The following AOX1 variants were observed in gnomAD, a reference collection of about 807,000 sequenced individuals.
AOX1 encodes aldehyde oxidase 1, also known as aldehyde oxidase.
Under a neutral mutation model 169.5 loss-of-function variants are expected in AOX1, and 153 were observed. The observed-to-expected ratio is 0.90, with a 90% CI of 0.79 to 1.03. AOX1 has a LOEUF of 1.03. AOX1 is among the 50% of genes least tolerant of loss of function. The probability of loss-of-function intolerance (pLI) is 0.00; values close to 1 mark genes in which losing one functional copy is unlikely to be tolerated. For synonymous variants in AOX1, 562 were observed against 581.9 expected (o/e 0.97, Z 0.49); for missense variants, 1,656 against 1,663.9 (o/e 1.00, Z 0.08).
At position 200,630,516 on chromosome 2, in the gene AOX1, C is replaced by CA. The variant is rs550708859; in HGVS notation, c.2221+3077dup. Among the ~76,000 whole-genome samples, 348 of 116,360 alleles carry CA rather than the reference C, an allele frequency of 3.0e-3. 1 individual carries two copies. Among genetic ancestry groups the CA allele is most frequent in the African/African-American group, 9.7e-3 (291 of 30,112 alleles). The allele number at this position is 116,360 out of a possible 152,430, so 76.3% of individuals were successfully genotyped here. A position where few individuals can be genotyped will look rare whatever the true frequency, so the allele number is the denominator to read the frequency against. ...CCAGCCTGAGCAACAGTGAGACTGTCAAAAAAAAAAGATGGATGGATGGAA... is the reference window on the plus strand; with the variant it reads ...CCAGCCTGAGCAACAGTGAGACTGTCAAAAAAAAAAAGATGGATGGATGGAA... On this transcript the variant is annotated intron_variant, in intron 20 of 34. Transcript: ENST00000374700.
chr2:200,627,957 C>G (rs1438961584), intron 20 of AOX1, among the ~76,000 whole-genome samples: 1 of 152,056 alleles, frequency 6.6e-6, no homozygotes, highest in African/African-American at 2.4e-5. Context: ...GCTTTTTCTT[C>G]CCTTCCTCTT....
At chr2:200,643,364 C>T (rs566487846) in intron 25 of AOX1, among the ~76,000 whole-genome samples, 5 of 148,878 alleles carry the variant, frequency 3.4e-5, no homozygotes, top group Non-Finnish European at 7.4e-5. Flanking sequence ...CACACGCACA[C>T]ATATATATGT....
chr2:200,663,310 T>C (rs1189787915), intron 31 of AOX1, among the ~76,000 whole-genome samples: 9 of 152,196 alleles, frequency 5.9e-5, no homozygotes, highest in African/African-American at 1.9e-4. Flanking sequence ...TGCCAAGATA[T>C]GACATTCTTG....
chr2:200,675,645 T>C (rs2036084145), downstream of AOX1, among the ~76,000 whole-genome samples: 1 of 152,158 alleles, frequency 6.6e-6, no homozygotes, highest in Non-Finnish European at 1.5e-5. Context: ...CATGGCAGCA[T>C]TATTTATAAT....
intron 5 of AOX1, 33 bp from the exon 6 acceptor site, chr2:200,602,251 C>T (rs2034429547): frequency 3.7e-6 from 6 of 1,606,562 alleles, no homozygotes; most frequent in African/African-American, 1.3e-5. Context: ...ATCTGGGTCA[C>T]TTGGCTAACA....
At chr2:200,617,288 C>T (rs1574925278) in intron 16 of AOX1, among the ~76,000 whole-genome samples, 1 of 152,074 alleles carries the variant, frequency 6.6e-6, no homozygotes, top group African/African-American at 2.4e-5. Flanking sequence ...GCTAGAGCAA[C>T]GTCAGCACTC....
chr2:200,599,827 C>T (rs1208997115), intron 5 of AOX1, 81 bp downstream of exon 5: 11 of 1,197,012 alleles, frequency 9.2e-6, no homozygotes, highest in Admixed American at 7.7e-5. Flanking sequence ...CTCTGTTGCC[C>T]GGGCTGGAGG....
At position 200,666,745 on chromosome 2, in the gene AOX1, T is replaced by A; in HGVS notation, c.3602T>A (p.Ile1201Lys). 6.2e-7 allele frequency: 1 copy of A among 1,611,090 alleles called. No individual in the cohort carries two copies. Among genetic ancestry groups the A allele is most frequent in the South Asian group, 1.1e-5 (1 of 90,414 alleles). ...TGCAGTATAAATCCAGCCATTGACATAGGCCAGGTACGTGTAACTGATGTG... is the reference window on the plus strand; with the variant it reads ...TGCAGTATAAATCCAGCCATTGACAAAGGCCAGGTACGTGTAACTGATGTG... ...VGCSINPAIDIGQIEGAFIQG... is the reference protein window; with the variant it reads ...VGCSINPAIDKGQIEGAFIQG... The change falls in exon 32 of 35, where the codon ATA becomes AAA. Residue 1201 changes from isoleucine to lysine, a missense_variant. Physicochemically the swap from Ile to Lys is moderately radical, Grantham distance 102. Coordinates refer to ENST00000374700, the MANE Select transcript of AOX1 (RefSeq NM_001159.4).
intron 1 of AOX1, among the ~76,000 whole-genome samples, chr2:200,590,733 A>G (rs1265491630): frequency 6.6e-6 from 1 of 152,196 alleles, no homozygotes; most frequent in Non-Finnish European, 1.5e-5. Flanking sequence ...CTAAAATGCT[A>G]TTCTTTACTA....
intron 16 of AOX1, among the ~76,000 whole-genome samples, chr2:200,620,123 A>T (rs2034850430): frequency 6.6e-6 from 1 of 152,094 alleles, no homozygotes. Flanking sequence ...AATAAGAACA[A>T]CATCATGGAT....
Position 200,656,829 on chromosome 2 carries a change from CT to C in AOX1, c.3076-9del. 6.6e-7 allele frequency: 1 copy of C among 1,514,518 alleles called. No individual in the cohort carries two copies. Among genetic ancestry groups the C allele is most frequent in the Non-Finnish European group, 8.9e-7 (1 of 1,128,006 alleles). The allele number at this position is 1,514,518 out of a possible 1,614,324, so 93.8% of individuals were successfully genotyped here. On this transcript the variant is annotated splice_polypyrimidine_tract_variant and intron_variant, in intron 26 of 34. Coordinates refer to ENST00000374700, the MANE Select transcript of AOX1 (RefSeq NM_001159.4). ...AAAAGATCACAGAAACAGTTTTCGTCTTTTCTGCTCAGGCTGCTGCCTTGGT... is the reference window on the plus strand; with the variant it reads ...AAAAGATCACAGAAACAGTTTTCGTCTTTCTGCTCAGGCTGCTGCCTTGGT...
chr2:200,672,153 T>G (rs1292391260), downstream of AOX1, among the ~76,000 whole-genome samples: 2 of 152,238 alleles, frequency 1.3e-5, no homozygotes, highest in Non-Finnish European at 2.9e-5. Flanking sequence ...GACCACAGAC[T>G]GCTAATGGAT....
intron 25 of AOX1, 130 bp downstream of exon 25, chr2:200,642,931 C>G: frequency 1.1e-6 from 1 of 871,044 alleles, no homozygotes; most frequent in Non-Finnish European, 1.7e-6. Flanking sequence ...CCCCAGCTAA[C>G]TGGTTAATGC....
chr2:200,636,914 A>G lies in AOX1; in HGVS notation c.2350A>G (p.Ile784Val), dbSNP rs1386530555. Residue 784 changes from isoleucine (I) to valine (V), a missense_variant, in exon 22 of 35, where the codon ATT becomes GTT. Coordinates refer to ENST00000374700, the MANE Select transcript of AOX1 (RefSeq NM_001159.4). Reference sequence around the variant, plus strand: ...TCAGAACTATTATTGTTCACAGGACATTGTTGCCTCAACCTTGAAGCTCCC... The same window carrying G: ...TCAGAACTATTATTGTTCACAGGACGTTGTTGCCTCAACCTTGAAGCTCCC... ...STQFPKYIQDIVASTLKLPAN... is the reference protein window; with the variant it reads ...STQFPKYIQDVVASTLKLPAN... 1 of 1,613,978 alleles carries G rather than the reference A, an allele frequency of 6.2e-7. No individual in the cohort carries two copies. The highest frequency in any genetic ancestry group is 1.7e-5 in the Admixed American group (1 of 59,982).
chr2:200,638,214 G>T lies in AOX1; in HGVS notation c.2481-1G>T, dbSNP rs79683671. On this transcript the variant is annotated splice_acceptor_variant, in intron 22 of 34. Coordinates refer to ENST00000374700, the MANE Select transcript of AOX1 (RefSeq NM_001159.4). LOFTEE classifies it high-confidence loss of function. ...CCTCACTTACTTTTTTTCTGTTTTA[G>T]ACATGGCCGTGCAGTTCGCTGTGTT... The T allele has an allele frequency of 1.9e-6, 3 of 1,613,232 alleles. No individual in the cohort carries two copies. Among genetic ancestry groups the T allele is most frequent in the South Asian group, 2.2e-5 (2 of 91,048 alleles).
At chr2:200,596,572 T>C (rs989144470) in intron 3 of AOX1, among the ~76,000 whole-genome samples, 5 of 152,236 alleles carry the variant, frequency 3.3e-5, no homozygotes, top group Admixed American at 6.5e-5. Flanking sequence ...CAGCTTTGTA[T>C]TTGAATCTGT....
intron 10 of AOX1, among the ~76,000 whole-genome samples, chr2:200,607,788 TA>T (rs1367049733): frequency 6.6e-6 from 1 of 152,030 alleles, no homozygotes. Context: ...TATGCAGCCA[TA>T]AAAAAGAATG....
chr2:200,597,500 G>A lies in AOX1; in HGVS notation c.304G>A (p.Val102Ile). ...IGSTHTRIHPVQERIAKCHGT... is the reference protein window; with the variant it reads ...IGSTHTRIHPIQERIAKCHGT... ...AAGCACCCACACCAGAATTCATCCT[G>A]TTCAGGTGAGGATGTGCCTCTTCCT... Residue 102 changes from valine to isoleucine, a missense_variant, in exon 4 of 35, where the codon GTT (valine) becomes ATT (isoleucine). Coordinates refer to ENST00000374700, the MANE Select transcript of AOX1 (RefSeq NM_001159.4). 6.2e-7 allele frequency: 1 copy of A among 1,605,630 alleles called. No individual in the cohort carries two copies. The highest frequency in any genetic ancestry group is 2.2e-5 in the East Asian group (1 of 44,794).
intron 13 of AOX1, among the ~76,000 whole-genome samples, chr2:200,612,359 G>A (rs2034657043): frequency 6.6e-6 from 1 of 152,166 alleles, no homozygotes; most frequent in Admixed American, 6.5e-5. Context: ...CACACTGGGT[G>A]GCCTCAACAA....
Sources: allele counts gnomAD v4.1 joint callset (sites outside exome capture counted in the v4.1 genomes callset), GRCh38; gene constraint gnomAD v4.1.1; transcripts MANE v1.5; gene names NCBI Gene and HGNC (gene_info 2026-07-23, HGNC 2026-07-21).